GALNT10: variants seen among roughly 807,000 people sequenced by gnomAD.
GALNT10 encodes the protein GalNAc transferase 10.
A neutral mutation model predicts 75.0 loss-of-function variants in GALNT10; 41 were observed. The ratio of observed to expected loss-of-function variants is 0.55; its 90% CI spans 0.43 to 0.71. The LOEUF (loss-of-function observed/expected upper bound fraction) is 0.71. Ranked by LOEUF, GALNT10 falls within the 30% of genes least tolerant of loss-of-function variation. The pLI, the probability that GALNT10 is intolerant of heterozygous loss-of-function variation, is 0.00. For synonymous variants in GALNT10, 302 were observed against 313.0 expected, an observed-to-expected ratio of 0.96 and a Z score of 0.37; for missense variants, 727 against 818.5, an observed-to-expected ratio of 0.89 and a Z score of 1.36.
intron 1 of GALNT10, among the ~76,000 whole-genome samples, chr5:154,292,728 C>T (rs1450762830): frequency 1.3e-5 from 2 of 152,158 alleles, no homozygotes; most frequent in East Asian, 3.9e-4. Context: ...AGCAGAAGAG[C>T]TGTCTTCAAA....
chr5:154,322,163 G>A (rs1581972895), intron 3 of GALNT10, among the ~76,000 whole-genome samples: 1 of 152,252 alleles, frequency 6.6e-6, no homozygotes, highest in East Asian at 1.9e-4. Context: ...CTAAAATCAA[G>A]GTGTCAGTGG....
chr5:154,233,214 A>G (rs1753193754), intron 1 of GALNT10, among the ~76,000 whole-genome samples: 2 of 152,204 alleles, frequency 1.3e-5, no homozygotes, highest in African/African-American at 4.8e-5. Flanking sequence ...GGTTCTTTGC[A>G]TCCTGGGCCT....
intron 1 of GALNT10, among the ~76,000 whole-genome samples, chr5:154,202,395 C>CT (rs1775040134): frequency 6.6e-6 from 1 of 152,182 alleles, no homozygotes. Flanking sequence ...GGCTCCACAG[C>CT]AGAAACAGCA....
At chr5:154,288,454 A>T (rs181881545) in intron 1 of GALNT10, among the ~76,000 whole-genome samples, 218 of 146,614 alleles carry the variant, frequency 1.5e-3, no homozygotes, top group African/African-American at 5.4e-3. Context: ...TTGAACACTA[A>T]TCGATTCTTT....
intron 1 of GALNT10, among the ~76,000 whole-genome samples, chr5:154,229,192 A>G (rs968674958): frequency 6.6e-6 from 1 of 152,176 alleles, no homozygotes; most frequent in African/African-American, 2.4e-5. Flanking sequence ...TCGTCTGTAC[A>G]TTGTGGTATT....
At chr5:154,314,190 T>C (rs1252230856) in intron 3 of GALNT10, among the ~76,000 whole-genome samples, 1 of 152,174 alleles carries the variant, frequency 6.6e-6, no homozygotes, top group African/African-American at 2.4e-5. Flanking sequence ...AGGATGTATT[T>C]TACCCAAGAG....
chr5:154,350,448 A>G (rs1451372472), intron 4 of GALNT10, among the ~76,000 whole-genome samples: 1 of 152,232 alleles, frequency 6.6e-6, no homozygotes, highest in African/African-American at 2.4e-5. Flanking sequence ...AAATATGAGC[A>G]TATCCTTTGA....
chr5:154,348,144 G>A (rs929648759), intron 4 of GALNT10, among the ~76,000 whole-genome samples: 1 of 152,178 alleles, frequency 6.6e-6, no homozygotes, highest in Non-Finnish European at 1.5e-5. Flanking sequence ...CTTCCTCCAC[G>A]GCTCAAGCCC....
At chr5:154,246,829 C>G (rs1440303434) in intron 1 of GALNT10, among the ~76,000 whole-genome samples, 1 of 152,164 alleles carries the variant, frequency 6.6e-6, no homozygotes. Flanking sequence ...TCCCATTTGT[C>G]AATTTTGGCT....
chr5:154,413,158 C>T (rs1582021257), intron 10 of GALNT10, among the ~76,000 whole-genome samples, 153 bp downstream of exon 10: 2 of 152,160 alleles, frequency 1.3e-5, no homozygotes, highest in African/African-American at 2.4e-5. Flanking sequence ...TCCTGAACAC[C>T]GTGGAAAGGG....
At chr5:154,209,647 G>A (rs766059959) in intron 1 of GALNT10, among the ~76,000 whole-genome samples, 5 of 152,170 alleles carry the variant, frequency 3.3e-5, no homozygotes, top group Non-Finnish European at 5.9e-5. Flanking sequence ...AAGCACTCAT[G>A]TCTCTATTTA....
rs773486061 is a variant in GALNT10, at chr5:154,409,739, C to T, written c.1363C>T (p.Pro455Ser). 3.7e-6 allele frequency: 6 copies of T among 1,612,460 alleles called. No homozygotes were observed. Among genetic ancestry groups the T allele is most frequent in the Non-Finnish European group, 4.2e-6 (5 of 1,178,672 alleles). The change falls in exon 9 of 12, where the codon CCC becomes TCC. Residue 455 changes from proline to serine, a missense_variant. Coordinates refer to ENST00000297107, the MANE Select transcript of GALNT10 (RefSeq NM_198321.4). This position sits in a 1 kb window ranked among gnomAD's most constrained non-coding sequence, Gnocchi z 4.5. ...DLPKFYPPVE[P>S]PAAAWGEIRN... The stretch of plus-strand genomic sequence containing the variant: ...GCCCAAATTCTACCCACCCGTGGAG[C>T]CCCCGGCTGCAGCTTGGGGGGAGGT...
intron 3 of GALNT10, among the ~76,000 whole-genome samples, chr5:154,311,324 G>A (rs572554167): frequency 9.2e-5 from 14 of 152,316 alleles, no homozygotes; most frequent in African/African-American, 3.1e-4. Flanking sequence ...GTGTGATGAT[G>A]ATTTATTTCT....
chr5:154,271,481 T>C (rs1421664233), intron 1 of GALNT10, among the ~76,000 whole-genome samples: 1 of 152,122 alleles, frequency 6.6e-6, no homozygotes, highest in African/African-American at 2.4e-5. Flanking sequence ...AATAAATACA[T>C]AAAATAAAAA....
At position 154,412,224 on chromosome 5, in the gene GALNT10, C is replaced by T. The variant is rs375277997; in HGVS notation, c.1387-665C>T. 5.3e-5 allele frequency among the ~76,000 whole-genome samples: 8 copies of T among 152,302 alleles called. No homozygotes were observed. The highest frequency in any genetic ancestry group is 4.1e-4 in the South Asian group (2 of 4,826). ...GTAAGGTTGGAACTACATGATGTGA[C>T]GCTATGCACCTAGCACAATGGCCTG... On this transcript the variant is annotated intron_variant, in intron 9 of 11. Coordinates refer to ENST00000297107, the MANE Select transcript of GALNT10 (RefSeq NM_198321.4). The surrounding 1 kb of genome is among the most constrained non-coding windows in gnomAD (Gnocchi z 4.2).
chr5:154,310,449 T>TTG lies in GALNT10; in HGVS notation c.401+12371_401+12372insGT, dbSNP rs1554098091. Among the ~76,000 whole-genome samples, 329 of 125,270 alleles carry TTG rather than the reference T, an allele frequency of 2.6e-3. 2 individuals carry two copies. The highest frequency in any genetic ancestry group is 8.7e-3 in the African/African-American group (284 of 32,718). The allele number at this position is 125,270 out of a possible 152,430, so 82.2% of individuals were successfully genotyped here. ...ATCACTGGGTTTTTTTTGTTTTTTTTTTTGTTTGTTTGTTTGTTTGTTTGT... is the reference window on the plus strand; with the variant it reads ...ATCACTGGGTTTTTTTTGTTTTTTTTTGTTTGTTTGTTTGTTTGTTTGTTTGT... On this transcript the variant is annotated intron_variant, in intron 3 of 11. Transcript: ENST00000297107.
intron 1 of GALNT10, among the ~76,000 whole-genome samples, chr5:154,251,956 A>G (rs903033542): frequency 2.2e-5 from 2 of 89,160 alleles, no homozygotes; most frequent in African/African-American, 6.6e-5. Flanking sequence ...GTTCATAAAT[A>G]TATAAATTAA....
intron 7 of GALNT10, chr5:154,387,932 T>A (rs1205879666): frequency 6.6e-6 from 1 of 150,448 alleles, no homozygotes; most frequent in African/African-American, 2.4e-5. Context: ...TGAGATGGAG[T>A]TTCACTCTGC....
intron 1 of GALNT10, among the ~76,000 whole-genome samples, chr5:154,195,640 G>A (rs753108289): frequency 2.6e-5 from 4 of 152,196 alleles, no homozygotes; most frequent in South Asian, 2.1e-4. Context: ...AACTGAGGCC[G>A]AGAAAAAGGG....
Sources: gnomAD v4.1 joint callset for allele counts (sites outside exome capture counted in the v4.1 genomes callset) on GRCh38, gnomAD v4.1.1 for gene constraint, Gnocchi (gnomAD v3.1) non-coding constraint, MANE v1.5 for transcripts, NCBI Gene and HGNC (gene_info 2026-07-23, HGNC 2026-07-21) for gene names.